SCAPER: variants seen among roughly 807,000 people sequenced by gnomAD.
SCAPER encodes S phase cyclin A-associated protein in the endoplasmic reticulum.
SCAPER carries 98 observed loss-of-function variants against 182.2 expected under a neutral mutation model. The observed-to-expected ratio is 0.54, with a 90% CI of 0.46 to 0.64. SCAPER has a LOEUF of 0.64. Among genes scored for constraint, SCAPER ranks in the 30% least tolerant of loss-of-function variants. SCAPER has a pLI of 0.00. For synonymous variants in SCAPER, 605 were observed against 564.6 expected, an observed-to-expected ratio of 1.07 and a Z score of -1.01; for missense variants, 1,432 against 1,690.0, an observed-to-expected ratio of 0.85 and a Z score of 2.68.
intron 20 of SCAPER, among the ~76,000 whole-genome samples, chr15:76,674,427 A>C (rs2057241546): frequency 6.6e-6 from 1 of 152,214 alleles, no homozygotes; most frequent in Non-Finnish European, 1.5e-5. Flanking sequence ...ATAGAGCTTT[A>C]TAGCAAGTCA....
At chr15:76,430,948 G>C (rs147083921) in intron 26 of SCAPER, among the ~76,000 whole-genome samples, 167 of 152,098 alleles carry the variant, frequency 1.1e-3, no homozygotes, top group African/African-American at 3.7e-3. Flanking sequence ...TGAATCATGG[G>C]GGCAGGTCTT....
chr15:76,431,648 G>A (rs984605133), intron 26 of SCAPER, among the ~76,000 whole-genome samples: 6 of 98,310 alleles, frequency 6.1e-5, no homozygotes. Flanking sequence ...ATCTGGGAAG[G>A]TGAGAAGGCA....
chr15:76,807,516 T>C (rs2066258752), intron 5 of SCAPER, among the ~76,000 whole-genome samples: 1 of 151,174 alleles, frequency 6.6e-6, no homozygotes, highest in Non-Finnish European at 1.5e-5. Context: ...CATTATTTAT[T>C]TTTTTTATTT....
chr15:76,667,457 A>G (rs1409718660), intron 20 of SCAPER, among the ~76,000 whole-genome samples: 1 of 152,004 alleles, frequency 6.6e-6, no homozygotes, highest in African/African-American at 2.4e-5. Context: ...TTACTCATAC[A>G]TAGAAAATTC....
chr15:76,784,510 T>A (rs2064426371), intron 8 of SCAPER, among the ~76,000 whole-genome samples: 1 of 152,200 alleles, frequency 6.6e-6, no homozygotes, highest in South Asian at 2.1e-4. Flanking sequence ...ACCAATGACT[T>A]TCTTTACAGA....
At chr15:76,471,128 T>C (rs2050129681) in intron 25 of SCAPER, 84 bp downstream of exon 25, 1 of 1,055,320 alleles carries the variant, frequency 9.5e-7, no homozygotes, top group Non-Finnish European at 1.2e-6. Flanking sequence ...GGAGAGTAAC[T>C]AAGTTGAATT....
intron 24 of SCAPER, among the ~76,000 whole-genome samples, chr15:76,502,372 C>T (rs1597066799): frequency 1.3e-5 from 2 of 152,088 alleles, no homozygotes; most frequent in Non-Finnish European, 2.9e-5. Context: ...CACATATACA[C>T]CGTGGAATAC....
intron 20 of SCAPER, among the ~76,000 whole-genome samples, chr15:76,672,483 G>A (rs1415796283): frequency 6.6e-6 from 1 of 152,022 alleles, no homozygotes; most frequent in Non-Finnish European, 1.5e-5. Context: ...TATAAGGCAT[G>A]AGAGAACAAC....
intron 20 of SCAPER, among the ~76,000 whole-genome samples, chr15:76,689,428 CTACT>C (rs746252780): frequency 7.9e-5 from 12 of 152,006 alleles, no homozygotes; most frequent in South Asian, 2.1e-4. Context: ...TTTAAAGAGG[CTACT>C]TACTATGTGT....
chr15:76,852,456 C>T (rs1263335088), intron 4 of SCAPER, among the ~76,000 whole-genome samples: 1 of 151,948 alleles, frequency 6.6e-6, no homozygotes, highest in Non-Finnish European at 1.5e-5. Flanking sequence ...CAATCCTCAG[C>T]AAATGCAAAA....
intron 21 of SCAPER, among the ~76,000 whole-genome samples, chr15:76,664,412 T>C (rs1351290048): frequency 6.6e-6 from 1 of 152,198 alleles, no homozygotes; most frequent in African/African-American, 2.4e-5. Flanking sequence ...ATGACTTTAA[T>C]GGTTTTGGCC....
At chr15:76,398,722 A>G (rs1022107486) in intron 27 of SCAPER, among the ~76,000 whole-genome samples, 1 of 152,246 alleles carries the variant, frequency 6.6e-6, no homozygotes, top group Non-Finnish European at 1.5e-5. Flanking sequence ...ACAAATATAT[A>G]TAACATCAAA....
intron 1 of SCAPER, among the ~76,000 whole-genome samples, chr15:76,891,516 A>G (rs1302785431): frequency 6.6e-6 from 1 of 151,992 alleles, no homozygotes; most frequent in African/African-American, 2.4e-5. Context: ...CAAGCAATAC[A>G]CCAATAACAG....
intron 24 of SCAPER, among the ~76,000 whole-genome samples, chr15:76,480,762 C>G (rs2051050947): frequency 1.3e-5 from 2 of 151,922 alleles, no homozygotes; most frequent in South Asian, 4.2e-4. Flanking sequence ...ACGGAGTCTC[C>G]CTCTGTCACC....
At chr15:76,799,318 C>T (rs1371179751) in intron 7 of SCAPER, among the ~76,000 whole-genome samples, 2 of 146,208 alleles carry the variant, frequency 1.4e-5, no homozygotes, top group South Asian at 2.2e-4. Context: ...CGGAGTCTCA[C>T]TCTGCTGCCC....
chr15:76,703,180 A>G (rs1469372650), intron 18 of SCAPER, among the ~76,000 whole-genome samples, 178 bp from the exon 19 acceptor site: 1 of 152,354 alleles, frequency 6.6e-6, no homozygotes, highest in South Asian at 2.1e-4. Flanking sequence ...ATGAACAGTA[A>G]TGTTTATTAA....
chr15:76,772,229 T>G (rs1320958153), intron 9 of SCAPER, among the ~76,000 whole-genome samples: 1 of 152,094 alleles, frequency 6.6e-6, no homozygotes, highest in Non-Finnish European at 1.5e-5. Context: ...TTTCTTGTAG[T>G]AGGCCAATTT....
chr15:76,675,710 T>A (rs2057329708), intron 20 of SCAPER, among the ~76,000 whole-genome samples: 1 of 152,172 alleles, frequency 6.6e-6, no homozygotes, highest in South Asian at 2.1e-4. Context: ...AACTTGTAGG[T>A]TCTGAAATTA....
chr15:76,877,237 G>C (rs538792852), intron 2 of SCAPER, among the ~76,000 whole-genome samples: 3 of 150,708 alleles, frequency 2.0e-5, no homozygotes, highest in African/African-American at 7.3e-5. Flanking sequence ...CCAAGAGCCA[G>C]CTTAAAGTCT....
Sources: allele counts gnomAD v4.1 joint callset (sites outside exome capture counted in the v4.1 genomes callset), GRCh38; gene constraint gnomAD v4.1.1; transcripts MANE v1.5; gene names NCBI Gene and HGNC (gene_info 2026-07-23, HGNC 2026-07-21).